SORCS2: variants seen among roughly 807,000 people sequenced by gnomAD.
SORCS2 encodes sortilin related VPS10 domain containing receptor 2, also known as VPS10 domain-containing receptor SorCS2.
Under a neutral mutation model 141.6 loss-of-function variants are expected in SORCS2, and 100 were observed. The observed-to-expected ratio is 0.71, with a 90% CI of 0.60 to 0.83. SORCS2 has a LOEUF of 0.83. SORCS2 is among the 40% of genes least tolerant of loss of function. SORCS2 has a pLI of 0.00. For synonymous variants in SORCS2, 789 were observed against 676.9 expected, an observed-to-expected ratio of 1.17 and a Z score of -2.57; for missense variants, 1,646 against 1,560.2, an observed-to-expected ratio of 1.05 and a Z score of -0.93.
chr4:7,377,435 C>G (rs1445811325), intron 1 of SORCS2, among the ~76,000 whole-genome samples: 1 of 152,196 alleles, frequency 6.6e-6, no homozygotes, highest in African/African-American at 2.4e-5. Context: ...ATGCCACGTT[C>G]CCAGCAGGCG....
At chr4:7,364,657 A>G (rs1577449871) in intron 1 of SORCS2, among the ~76,000 whole-genome samples, 1 of 152,206 alleles carries the variant, frequency 6.6e-6, no homozygotes, top group Admixed American at 6.5e-5. Flanking sequence ...AACAGAATGC[A>G]AGTCAGGGAG....
At chr4:7,410,856 G>A (rs1000165718) in intron 2 of SORCS2, among the ~76,000 whole-genome samples, 4 of 151,828 alleles carry the variant, frequency 2.6e-5, no homozygotes, top group Admixed American at 6.6e-5. Flanking sequence ...AAATGTTCTG[G>A]GACAAGATCT....
chr4:7,308,867 C>T (rs1287203778), intron 1 of SORCS2, among the ~76,000 whole-genome samples: 1 of 152,206 alleles, frequency 6.6e-6, no homozygotes, highest in East Asian at 1.9e-4. Flanking sequence ...AAGCCACAGA[C>T]CCTGCCCGTG....
intron 3 of SORCS2, among the ~76,000 whole-genome samples, chr4:7,622,424 CA>C (rs1719255758): frequency 6.6e-6 from 1 of 152,176 alleles, no homozygotes; most frequent in Non-Finnish European, 1.5e-5. Flanking sequence ...AGCCTCTTGC[CA>C]CTGGAGGTAT....
intron 1 of SORCS2, among the ~76,000 whole-genome samples, chr4:7,276,901 C>T (rs1003554155): frequency 7.2e-5 from 11 of 152,186 alleles, no homozygotes; most frequent in East Asian, 1.9e-4. Flanking sequence ...CACAGAGCTC[C>T]GCTCAGTGGT....
rs1055077275 is a variant in SORCS2, at chr4:7,742,264, C to G, written c.*2000C>G. The G allele has an allele frequency of 2.0e-4, 31 of 152,368 alleles. No individual in the cohort carries two copies. The highest frequency in any genetic ancestry group is 7.5e-4 in the African/African-American group (31 of 41,576). 9.4% of individuals were successfully genotyped at this position (152,368 alleles called of 1,614,324 possible). On this transcript the variant is annotated 3_prime_UTR_variant, in exon 27 of 27. Transcript: ENST00000507866. Reference sequence around the variant, plus strand: ...CAGGGATTCTTGTCCTGCTGGCCACCCCACCCACACCTGTCCCTGGCCAGC... The same window carrying G: ...CAGGGATTCTTGTCCTGCTGGCCACGCCACCCACACCTGTCCCTGGCCAGC...
intron 3 of SORCS2, among the ~76,000 whole-genome samples, chr4:7,539,863 G>A (rs1712451149): frequency 6.7e-6 from 1 of 149,748 alleles, no homozygotes; most frequent in Admixed American, 6.6e-5. Flanking sequence ...TCCTGCTGTG[G>A]AAGCCCCATC....
chr4:7,710,634 C>T (rs760845510), intron 14 of SORCS2, among the ~76,000 whole-genome samples: 8 of 152,192 alleles, frequency 5.3e-5, no homozygotes, highest in Non-Finnish European at 7.4e-5. Flanking sequence ...ATGTTGAGGC[C>T]GTCCAAGTGG....
chr4:7,402,800 C>T (rs1177813232), intron 2 of SORCS2, among the ~76,000 whole-genome samples: 1 of 151,994 alleles, frequency 6.6e-6, no homozygotes, highest in Non-Finnish European at 1.5e-5. Flanking sequence ...TTGCATCTCC[C>T]TCATACCTGG....
chr4:7,603,389 A>T (rs529877740), intron 3 of SORCS2, among the ~76,000 whole-genome samples: 6 of 152,260 alleles, frequency 3.9e-5, no homozygotes, highest in African/African-American at 9.6e-5. Context: ...TGATTTGTGG[A>T]CCGATTTTCT....
chr4:7,549,773 C>T (rs925863472), intron 3 of SORCS2, among the ~76,000 whole-genome samples: 9 of 152,294 alleles, frequency 5.9e-5, no homozygotes, highest in Non-Finnish European at 8.8e-5. Context: ...TGAATGAGTT[C>T]GAACCCCTTG....
chr4:7,694,397 C>T (rs981242304), intron 11 of SORCS2, among the ~76,000 whole-genome samples: 11 of 152,282 alleles, frequency 7.2e-5, no homozygotes, highest in East Asian at 1.9e-4. Context: ...CAGCCTGCAA[C>T]GTGTTCCGTG....
At chr4:7,337,059 T>C (rs1720032601) in intron 1 of SORCS2, among the ~76,000 whole-genome samples, 1 of 152,164 alleles carries the variant, frequency 6.6e-6, no homozygotes, top group South Asian at 2.1e-4. Context: ...GGCTGGCTTT[T>C]TGTGCCGAGG....
At chr4:7,534,011 C>T (rs1399269223) in intron 3 of SORCS2, among the ~76,000 whole-genome samples, 1 of 152,136 alleles carries the variant, frequency 6.6e-6, no homozygotes, top group Non-Finnish European at 1.5e-5. Flanking sequence ...GCAGACAAGC[C>T]CTGAGACAGG....
chr4:7,320,258 C>A (rs551419764), intron 1 of SORCS2, among the ~76,000 whole-genome samples: 1 of 152,202 alleles, frequency 6.6e-6, no homozygotes, highest in Non-Finnish European at 1.5e-5. Flanking sequence ...CGCTGGGGAA[C>A]ACTACTTTTC....
chr4:7,278,595 C>T (rs901128054), intron 1 of SORCS2, among the ~76,000 whole-genome samples: 1 of 152,198 alleles, frequency 6.6e-6, no homozygotes, highest in Admixed American at 6.5e-5. Context: ...ACATCTGTTT[C>T]ATAGACCCAG....
chr4:7,327,478 C>T (rs1450450780), intron 1 of SORCS2, among the ~76,000 whole-genome samples: 1 of 152,218 alleles, frequency 6.6e-6, no homozygotes, highest in African/African-American at 2.4e-5. Flanking sequence ...TGCAAAGACC[C>T]CATTTCCAAG....
At chr4:7,332,691 A>G (rs1719728811) in intron 1 of SORCS2, among the ~76,000 whole-genome samples, 1 of 152,224 alleles carries the variant, frequency 6.6e-6, no homozygotes, top group Non-Finnish European at 1.5e-5. Context: ...CACCCTGTGC[A>G]GGGCTGGAGC....
At chr4:7,374,353 G>A (rs979601937) in intron 1 of SORCS2, among the ~76,000 whole-genome samples, 5 of 152,084 alleles carry the variant, frequency 3.3e-5, no homozygotes, top group East Asian at 1.9e-4. Flanking sequence ...ATGTGAGAGA[G>A]GGAGAAGGGC....
Sources: gnomAD v4.1 joint callset for allele counts (sites outside exome capture counted in the v4.1 genomes callset) on GRCh38, gnomAD v4.1.1 for gene constraint, MANE v1.5 for transcripts, NCBI Gene and HGNC (gene_info 2026-07-23, HGNC 2026-07-21) for gene names.